Variants in ARHGEF3 observed in about 807,000 individuals in gnomAD.
ARHGEF3 encodes Rho guanine nucleotide exchange factor 3.
Under a neutral mutation model 63.2 loss-of-function variants are expected in ARHGEF3, and 28 were observed. The observed-to-expected ratio is 0.44, with a 90% CI of 0.33 to 0.61. ARHGEF3 has a LOEUF of 0.61. Among genes scored for constraint, ARHGEF3 ranks in the 20% least tolerant of loss-of-function variants. ARHGEF3 has a pLI of 0.03. For missense variants in ARHGEF3, 533 were observed against 659.3 expected, an observed-to-expected ratio of 0.81 and a Z score of 2.10; for synonymous variants, 266 against 254.2, an observed-to-expected ratio of 1.05 and a Z score of -0.44.
At chr3:56,894,212 T>C (rs2041220644) in intron 3 of ARHGEF3, among the ~76,000 whole-genome samples, 1 of 152,198 alleles carries the variant, frequency 6.6e-6, no homozygotes, top group Non-Finnish European at 1.5e-5. Flanking sequence ...GAGCTCAGTC[T>C]TGTACACTGG....
chr3:56,992,375 TA>T (rs57740672), intron 2 of ARHGEF3, among the ~76,000 whole-genome samples: 516 of 46,032 alleles, frequency 0.011, 3 homozygotes, highest in African/African-American at 0.018. Flanking sequence ...AGGATGGCTT[TA>T]AAAAAAAAAA....
intron 3 of ARHGEF3, among the ~76,000 whole-genome samples, chr3:56,906,047 T>C (rs1296282852): frequency 2.0e-5 from 3 of 152,036 alleles, no homozygotes; most frequent in African/African-American, 7.2e-5. Flanking sequence ...GCATTTTTAG[T>C]AGAGATCGGG....
chr3:56,961,791 C>A (rs1047644873), intron 2 of ARHGEF3, among the ~76,000 whole-genome samples: 10 of 152,282 alleles, frequency 6.6e-5, no homozygotes, highest in African/African-American at 2.4e-4. Context: ...GCCTGTAATC[C>A]CAGCATTTTG....
chr3:56,857,551 A>G (rs2039928531), intron 4 of ARHGEF3, among the ~76,000 whole-genome samples: 1 of 152,208 alleles, frequency 6.6e-6, no homozygotes, highest in African/African-American at 2.4e-5. Flanking sequence ...TAGTTTAGTA[A>G]TTGAGTCAGT....
intron 1 of ARHGEF3, among the ~76,000 whole-genome samples, chr3:57,064,284 C>T (rs551616655): frequency 6.6e-6 from 1 of 152,026 alleles, no homozygotes; most frequent in African/African-American, 2.4e-5. Flanking sequence ...AACAGAAAAC[C>T]AAAAACCAAG....
chr3:56,968,239 T>A (rs1421319228), intron 2 of ARHGEF3, among the ~76,000 whole-genome samples: 1 of 44,146 alleles, frequency 2.3e-5, no homozygotes, highest in African/African-American at 7.8e-5. Flanking sequence ...TATATAAATA[T>A]ATATATTAAT....
chr3:56,800,852 C>T lies in ARHGEF3; in HGVS notation c.96+851G>A, dbSNP rs141381509. Reference sequence around the variant, plus strand: ...TGACCACAGCAAAGCTGTAATCTAGCGAAAGCGACTGTATTCCCTAAGACC... The same window carrying T: ...TGACCACAGCAAAGCTGTAATCTAGTGAAAGCGACTGTATTCCCTAAGACC... On this transcript the variant is annotated intron_variant, in intron 1 of 9. Coordinates refer to ENST00000296315, the MANE Select transcript of ARHGEF3 (RefSeq NM_019555.3). Among the ~76,000 whole-genome samples the T allele has an allele frequency of 6.4e-4, 98 of 152,310 alleles. No individual in the cohort carries two copies. In the East Asian group the frequency reaches 9.1e-3, roughly 14 times the overall value.
intron 6 of ARHGEF3, among the ~76,000 whole-genome samples, chr3:56,750,123 A>G (rs2034637412): frequency 6.6e-6 from 1 of 152,196 alleles, no homozygotes; most frequent in South Asian, 2.1e-4. Context: ...GTGATGAGAG[A>G]CCTAATCTTG....
chr3:56,919,155 G>A (rs1161547354), intron 3 of ARHGEF3, among the ~76,000 whole-genome samples: 1 of 152,200 alleles, frequency 6.6e-6, no homozygotes, highest in African/African-American at 2.4e-5. Flanking sequence ...CATCCAGGGT[G>A]AGCAGACATT....
rs756665092 is a variant in ARHGEF3, at chr3:56,732,227, G to T, written c.1228+11C>A. The stretch of plus-strand genomic sequence containing the variant: ...AACATTCAACAGGTCAACCCCGACT[G>T]CTATCCATACTTCTCTCATTGTTGC... On this transcript the variant is annotated intron_variant, in intron 9 of 9. Coordinates refer to ENST00000296315, the MANE Select transcript of ARHGEF3 (RefSeq NM_019555.3). 8 of 1,613,580 alleles carry T rather than the reference G, an allele frequency of 5.0e-6. No homozygotes were observed. The South Asian group carries it at 5.5e-5, about 11-fold the overall frequency.
intron 4 of ARHGEF3, among the ~76,000 whole-genome samples, chr3:56,855,827 A>G (rs1382465094): frequency 6.6e-6 from 1 of 152,206 alleles, no homozygotes; most frequent in South Asian, 2.1e-4. Flanking sequence ...AATTTGTGAC[A>G]TAGATGTACA....
chr3:56,764,525 G>A lies in ARHGEF3; in HGVS notation c.204+9184C>T, dbSNP rs182034616. 6.6e-4 allele frequency among the ~76,000 whole-genome samples: 100 copies of A among 152,150 alleles called. 1 individual carries two copies. The East Asian group carries it at 0.016, about 24-fold the overall frequency. ...AGGAGAGGCACTCTGAACACCCTAC[G>A]GAATCCCAGCTCTGGCACTTACCAG... On this transcript the variant is annotated intron_variant, in intron 2 of 9. Transcript: ENST00000296315.
At chr3:56,832,611 GATAAAATTTATATAAC>G (rs1250431077) in intron 4 of ARHGEF3, among the ~76,000 whole-genome samples, 1 of 152,018 alleles carries the variant, frequency 6.6e-6, no homozygotes, top group African/African-American at 2.4e-5. Context: ...TTTCTATTGA[GATAAAATTTATATAAC>G]ATAAAATTTA....
rs748553365 is a variant in ARHGEF3 at position 56,732,314 on chromosome 3, G to T, written c.1152C>A (p.Leu384=). 1.7e-5 allele frequency: 27 copies of T among 1,614,090 alleles called. No individual in the cohort carries two copies. The African/African-American group carries it at 3.1e-4, about 18-fold the overall frequency. The change falls in exon 9 of 10, where the codon CTC becomes CTA. Residue 384 remains leucine, a synonymous_variant. Coordinates refer to ENST00000296315, the MANE Select transcript of ARHGEF3 (RefSeq NM_019555.3). Reference sequence around the variant, plus strand: ...CTCCATCCTGGAGGTCTTCCAGCAGGAGGTCTTTCACGGGGATTGGCTGAC... The same window carrying T: ...CTCCATCCTGGAGGTCTTCCAGCAGTAGGTCTTTCACGGGGATTGGCTGAC... The part of the protein sequence containing the change: ...LYRQPIPVKD[L]LLEDLQDGEV...
At chr3:56,943,816 G>C (rs995615856) in intron 3 of ARHGEF3, among the ~76,000 whole-genome samples, 7 of 151,940 alleles carry the variant, frequency 4.6e-5, no homozygotes, top group Non-Finnish European at 8.8e-5. Context: ...TCGGGAGGCT[G>C]AGGCAGGAGA....
At chr3:56,792,860 G>A (rs1358086166) in intron 1 of ARHGEF3, among the ~76,000 whole-genome samples, 4 of 150,620 alleles carry the variant, frequency 2.7e-5, no homozygotes, top group Admixed American at 6.6e-5. Flanking sequence ...GCTATGTTGC[G>A]CAGGCTGGTC....
chr3:56,858,116 T>C (rs1295461223), intron 4 of ARHGEF3, among the ~76,000 whole-genome samples: 8 of 151,874 alleles, frequency 5.3e-5, no homozygotes, highest in Non-Finnish European at 1.2e-4. Flanking sequence ...TGGTGGTGCA[T>C]GTCTGTAGTC....
intron 4 of ARHGEF3, among the ~76,000 whole-genome samples, chr3:56,751,990 G>C (rs967619136): frequency 6.6e-6 from 1 of 152,028 alleles, no homozygotes; most frequent in African/African-American, 2.4e-5. Flanking sequence ...AAAGCTAATG[G>C]GGAAGATAAG....
At chr3:56,819,540 C>T (rs568617196) in intron 4 of ARHGEF3, among the ~76,000 whole-genome samples, 2 of 148,902 alleles carry the variant, frequency 1.3e-5, no homozygotes, top group South Asian at 4.3e-4. Context: ...AAGACAGAGT[C>T]TAGCTCTGTC....
Sources: gnomAD v4.1 joint callset for allele counts (sites outside exome capture counted in the v4.1 genomes callset) on GRCh38, gnomAD v4.1.1 for gene constraint, MANE v1.5 for transcripts, NCBI Gene and HGNC (gene_info 2026-07-23, HGNC 2026-07-21) for gene names.